GRID2: variants seen among roughly 807,000 people sequenced by gnomAD.
The protein encoded by GRID2 is glutamate receptor ionotropic, delta-2.
A neutral mutation model predicts 114.8 loss-of-function variants in GRID2; 33 were observed. The ratio of observed to expected loss-of-function variants is 0.29; its 90% CI spans 0.22 to 0.38. GRID2 has a LOEUF of 0.38. GRID2 is among the 10% of genes least tolerant of loss of function. GRID2 has a pLI of 1.00. For missense variants in GRID2, 1,184 were observed against 1,257.7 expected (o/e 0.94, Z 0.89); for synonymous variants, 505 against 449.9 (o/e 1.12, Z -1.55).
At chr4:93,692,061 GACA>G (rs1281993320) in intron 14 of GRID2, among the ~76,000 whole-genome samples, 1 of 151,990 alleles carries the variant, frequency 6.6e-6, no homozygotes, top group Non-Finnish European at 1.5e-5. Context: ...CAAAAAAAGT[GACA>G]ACAATTCTTA....
intron 2 of GRID2, among the ~76,000 whole-genome samples, chr4:92,657,234 T>G (rs1732286613): frequency 6.6e-6 from 1 of 150,768 alleles, no homozygotes; most frequent in South Asian, 2.1e-4. Context: ...TCACATAATC[T>G]GTGTGAATCA....
At chr4:93,496,732 A>T (rs1206552308) in intron 12 of GRID2, among the ~76,000 whole-genome samples, 4 of 151,982 alleles carry the variant, frequency 2.6e-5, no homozygotes, top group African/African-American at 9.6e-5. Flanking sequence ...TTGCTAAGTA[A>T]TAATCCATGG....
chr4:92,540,168 T>C (rs925562546), intron 1 of GRID2, among the ~76,000 whole-genome samples: 5 of 152,148 alleles, frequency 3.3e-5, no homozygotes, highest in Admixed American at 2.6e-4. Flanking sequence ...AAGACTTCAA[T>C]GTTAGACCTA....
chr4:93,533,747 C>T (rs922738367), intron 13 of GRID2, among the ~76,000 whole-genome samples: 10 of 151,840 alleles, frequency 6.6e-5, no homozygotes, highest in Non-Finnish European at 1.0e-4. Context: ...CATTATTACC[C>T]TGGTCCAAGC....
intron 13 of GRID2, among the ~76,000 whole-genome samples, chr4:93,562,963 G>T (rs1735063549): frequency 6.6e-6 from 1 of 151,864 alleles, no homozygotes; most frequent in African/African-American, 2.4e-5. Flanking sequence ...AAGTCAAATT[G>T]TATCCTATGG....
At chr4:93,663,771 A>T (rs1456710775) in intron 14 of GRID2, among the ~76,000 whole-genome samples, 1 of 152,122 alleles carries the variant, frequency 6.6e-6, no homozygotes, top group African/African-American at 2.4e-5. Flanking sequence ...AATCTCTAAA[A>T]CTTTGAGTGT....
intron 2 of GRID2, among the ~76,000 whole-genome samples, chr4:92,970,466 A>G (rs1199698582): frequency 6.6e-6 from 1 of 152,012 alleles, no homozygotes; most frequent in East Asian, 1.9e-4. Flanking sequence ...TGTTTAATAA[A>G]TAATAGTGCA....
At chr4:93,189,275 C>T (rs1740739993) in intron 4 of GRID2, among the ~76,000 whole-genome samples, 1 of 152,124 alleles carries the variant, frequency 6.6e-6, no homozygotes, top group Non-Finnish European at 1.5e-5. Flanking sequence ...CTGAGAAGTT[C>T]AAGATCAAGG....
chr4:92,357,762 T>A (rs1308373287), intron 1 of GRID2, among the ~76,000 whole-genome samples: 1 of 151,892 alleles, frequency 6.6e-6, no homozygotes, highest in Non-Finnish European at 1.5e-5. Context: ...TGAGTCACAG[T>A]ATTTTAAAAT....
chr4:93,471,697 A>ATT (rs1724813446), intron 11 of GRID2, among the ~76,000 whole-genome samples: 1 of 57,300 alleles, frequency 1.7e-5, no homozygotes. Flanking sequence ...TCCTGAATTC[A>ATT]ATTTTTTTTT....
intron 1 of GRID2, among the ~76,000 whole-genome samples, chr4:92,482,100 T>A (rs924352359): frequency 6.2e-5 from 9 of 145,356 alleles, no homozygotes; most frequent in African/African-American, 2.3e-4. Flanking sequence ...TATATATCTA[T>A]ATTTATATAT....
chr4:93,566,984 G>A (rs1735488549), intron 13 of GRID2, among the ~76,000 whole-genome samples: 1 of 152,068 alleles, frequency 6.6e-6, no homozygotes. Context: ...CACTGTAAGG[G>A]GTGGTCAGCA....
intron 1 of GRID2, among the ~76,000 whole-genome samples, chr4:93,800,369 C>T (rs372057510): frequency 6.6e-6 from 1 of 152,174 alleles, no homozygotes; most frequent in African/African-American, 2.4e-5. Flanking sequence ...AAAAGTGTTG[C>T]AATGTCTGAC....
intron 8 of GRID2, among the ~76,000 whole-genome samples, chr4:93,378,821 G>T (rs576937592): frequency 3.3e-5 from 5 of 152,118 alleles, no homozygotes; most frequent in East Asian, 1.9e-4. Context: ...TTGGAGAAAG[G>T]TTACAGTTTG....
At chr4:92,995,442 GA>G (rs1170808477) in intron 2 of GRID2, among the ~76,000 whole-genome samples, 1 of 152,038 alleles carries the variant, frequency 6.6e-6, no homozygotes, top group Non-Finnish European at 1.5e-5. Context: ...TTTACTATTT[GA>G]AACCCAAAAG....
chr4:92,694,953 A>G (rs1276949783), intron 2 of GRID2, among the ~76,000 whole-genome samples: 1 of 151,766 alleles, frequency 6.6e-6, no homozygotes, highest in African/African-American at 2.4e-5. Flanking sequence ...CATTCTAGTC[A>G]TTTTATCAGA....
intron 13 of GRID2, among the ~76,000 whole-genome samples, chr4:93,533,576 G>A (rs1731725155): frequency 7.8e-6 from 1 of 127,524 alleles, no homozygotes; most frequent in South Asian, 2.6e-4. Context: ...TTTTAGTAGA[G>A]ATGGGGTTTC....
intron 4 of GRID2, among the ~76,000 whole-genome samples, chr4:93,124,720 C>T (rs1216748647): frequency 2.0e-5 from 3 of 152,066 alleles, no homozygotes; most frequent in Non-Finnish European, 2.9e-5. Flanking sequence ...GATAGTCTCT[C>T]TAGATTACAA....
intron 2 of GRID2, among the ~76,000 whole-genome samples, chr4:92,683,250 G>A (rs1483611134): frequency 6.6e-6 from 1 of 151,860 alleles, no homozygotes; most frequent in Non-Finnish European, 1.5e-5. Context: ...AGTGAGTGGA[G>A]ATCGCGCCCC....
Sources: allele counts gnomAD v4.1 joint callset (sites outside exome capture counted in the v4.1 genomes callset), GRCh38; gene constraint gnomAD v4.1.1; transcripts MANE v1.5; gene names NCBI Gene and HGNC (gene_info 2026-07-23, HGNC 2026-07-21).